The following FMNL3 variants were observed in gnomAD, a reference collection of about 807,000 sequenced individuals.
FMNL3 encodes formin like 3.
Under a neutral mutation model 119.6 loss-of-function variants are expected in FMNL3, and 57 were observed. That is an observed-to-expected ratio of 0.48 (90% CI 0.39 to 0.59). FMNL3 has a LOEUF of 0.59. FMNL3 is among the 20% of genes least tolerant of loss of function. The pLI is 0.00. For missense variants in FMNL3, 1,053 were observed against 1,323.5 expected (o/e 0.80, Z 3.17); for synonymous variants, 491 against 507.3 (o/e 0.97, Z 0.43).
rs187426983 is a variant in FMNL3 at position 49,656,684 on chromosome 12, C to T, written c.791+139G>A. ...GACCAGAGGAGAGCCAGGGACACTT[C>T]TCTTCCAGCAGAGGAGGGGGCCAAA... On this transcript the variant is annotated intron_variant, in intron 8 of 25. Transcript: ENST00000335154. 160 of 952,338 alleles carry T rather than the reference C, an allele frequency of 1.7e-4. 2 individuals carry two copies. Among genetic ancestry groups the T allele is most frequent in the African/African-American group, 1.3e-3 (82 of 61,308 alleles). 59.0% of individuals were successfully genotyped at this position (952,338 alleles called of 1,614,324 possible).
In FMNL3 at chr12:49,647,505, C is replaced by A; in HGVS notation, c.2779-137G>T. The A allele has an allele frequency of 9.6e-7, 1 of 1,039,570 alleles. No individual in the cohort carries two copies. Among genetic ancestry groups the A allele is most frequent in the Non-Finnish European group, 1.5e-6 (1 of 689,118 alleles). The allele number at this position is 1,039,570 out of a possible 1,614,324, so 64.4% of individuals were successfully genotyped here. A position where few individuals can be genotyped will look rare whatever the true frequency, so the allele number is the denominator to read the frequency against. ...CCACCCTCTGGAGGGGCACTTCCTG[C>A]CCCAAACAATGACAGGAAGGTCCTG... On this transcript the variant is annotated intron_variant, in intron 23 of 25. Transcript: ENST00000335154. This position sits in a 1 kb window ranked among gnomAD's most constrained non-coding sequence, Gnocchi z 4.9.
chr12:49,665,612 G>A (rs905569038), intron 4 of FMNL3, among the ~76,000 whole-genome samples: 2 of 152,190 alleles, frequency 1.3e-5, no homozygotes, highest in Non-Finnish European at 2.9e-5. Context: ...CCTCAAGCTT[G>A]CCAGAAACAT....
intron 2 of FMNL3, 23 bp from the exon 3 acceptor site, chr12:49,666,230 C>T (rs1457012351): frequency 8.1e-6 from 13 of 1,601,990 alleles, no homozygotes; most frequent in East Asian, 4.5e-5. Flanking sequence ...CATGCATATG[C>T]GTATCCACAA....
rs1943343356 is a variant in FMNL3, at chr12:49,649,973, T to C, written c.2001-48A>G. The C allele has an allele frequency of 3.3e-6, 5 of 1,514,256 alleles. No homozygotes were observed. The highest frequency in any genetic ancestry group is 4.5e-6 in the Non-Finnish European group (5 of 1,107,188). The allele number at this position is 1,514,256 out of a possible 1,614,324, so 93.8% of individuals were successfully genotyped here. A position where few individuals can be genotyped will look rare whatever the true frequency, so the allele number is the denominator to read the frequency against. On this transcript the variant is annotated intron_variant, in intron 17 of 25. Coordinates refer to ENST00000335154, the MANE Select transcript of FMNL3 (RefSeq NM_175736.5). The surrounding 1 kb of genome is among the most constrained non-coding windows in gnomAD (Gnocchi z 5.6). ...CTCAGTTCTCACATCTCTCCACGTT[T>C]TCCCTCATCCCTTTTATTCTCCAAG...
chr12:49,645,854 T>A lies in FMNL3; in HGVS notation c.3045A>T (p.Ala1015=). ...MVVRHQARSA[A]PPSGPPRAPG... ...GAGCCCGAGGGGGACCACTGGGCGG[T>A]GCAGCACTCCTGGCTTGGTGGCGAA... The change falls in exon 26 of 26, where the codon GCA becomes GCT. Residue 1015 remains alanine (A), a synonymous_variant. Transcript: ENST00000335154. 6.2e-7 allele frequency: 1 copy of A among 1,609,268 alleles called. No individual in the cohort carries two copies. Among genetic ancestry groups the A allele is most frequent in the Non-Finnish European group, 8.5e-7 (1 of 1,178,292 alleles).
chr12:49,671,070 G>A (rs1438335295), intron 1 of FMNL3, among the ~76,000 whole-genome samples: 2 of 152,224 alleles, frequency 1.3e-5, no homozygotes, highest in Non-Finnish European at 2.9e-5. Context: ...TGGAGGAGGG[G>A]GCAGCCTGTC....
chr12:49,667,241 G>A lies in FMNL3; in HGVS notation c.211-1034C>T, dbSNP rs966241184. Among the ~76,000 whole-genome samples, 4 of 152,092 alleles carry A rather than the reference G, an allele frequency of 2.6e-5. No homozygotes were observed. In the East Asian group the frequency reaches 5.8e-4, roughly 22 times the overall value. On this transcript the variant is annotated intron_variant, in intron 2 of 25. Transcript: ENST00000335154. ...AAAATGTCCAGGAGAATGATATAAT[G>A]TTAGAGAGTAGGACCTAAAAACAAA...
At chr12:49,677,278 AAT>A (rs1321826249) in intron 1 of FMNL3, among the ~76,000 whole-genome samples, 1 of 152,198 alleles carries the variant, frequency 6.6e-6, no homozygotes, top group Non-Finnish European at 1.5e-5. Context: ...TTGGACAATC[AAT>A]ATATATGTTT....
chr12:49,671,426 T>C (rs1944043461), intron 1 of FMNL3, among the ~76,000 whole-genome samples: 1 of 152,252 alleles, frequency 6.6e-6, no homozygotes. Context: ...TCTCTGCTTC[T>C]TCTGGGCTGA....
chr12:49,676,038 G>A (rs1308913099), intron 1 of FMNL3, among the ~76,000 whole-genome samples: 1 of 152,078 alleles, frequency 6.6e-6, no homozygotes, highest in East Asian at 1.9e-4. Flanking sequence ...CCTACTACCT[G>A]ACTTAAAATC....
chr12:49,655,100 A>G, intron 9 of FMNL3, 116 bp from the exon 10 acceptor site: 1 of 885,782 alleles, frequency 1.1e-6, no homozygotes, highest in Non-Finnish European at 1.8e-6. Flanking sequence ...GCTTAACCAC[A>G]GCTCTATATA....
chr12:49,692,857 TGA>T (rs1944642674), intron 1 of FMNL3, among the ~76,000 whole-genome samples: 1 of 152,200 alleles, frequency 6.6e-6, no homozygotes, highest in Non-Finnish European at 1.5e-5. Context: ...GGGGAAGATC[TGA>T]GAGGTGGCAT....
In FMNL3 at chr12:49,649,864, C is replaced by T; in HGVS notation, c.2062G>A (p.Glu688Lys). ...VECLMRFLPT[E>K]AEVKLLRQYE... ...TGCCGCAGCAGCTTTACCTCAGCCT[C>T]TGTGGGCAGGAAGCGCATCAGGCAC... is the stretch of plus-strand genomic sequence containing the variant. The change falls in exon 18 of 26, where the codon GAG becomes AAG. Residue 688 changes from glutamate to lysine, a missense_variant. By Grantham distance (56) the Glu-to-Lys change is moderately conservative. Coordinates refer to ENST00000335154, the MANE Select transcript of FMNL3 (RefSeq NM_175736.5). The surrounding 1 kb of genome is among the most constrained non-coding windows in gnomAD (Gnocchi z 5.6). 1 of 1,614,152 alleles carries T rather than the reference C, an allele frequency of 6.2e-7. No individual in the cohort carries two copies.
chr12:49,673,313 T>C (rs897870839), intron 1 of FMNL3, among the ~76,000 whole-genome samples: 5 of 152,216 alleles, frequency 3.3e-5, no homozygotes, highest in African/African-American at 1.2e-4. Flanking sequence ...TGAGCAAAGA[T>C]GGAAAGTGGC....
intron 5 of FMNL3, chr12:49,659,805 G>C: frequency 4.1e-6 from 4 of 985,314 alleles, no homozygotes; most frequent in Non-Finnish European, 4.8e-6. Context: ...CTCACTTCAG[G>C]ATATACCCCT....
At chr12:49,670,425 T>C (rs1438256584) in intron 1 of FMNL3, among the ~76,000 whole-genome samples, 1 of 152,144 alleles carries the variant, frequency 6.6e-6, no homozygotes, top group African/African-American at 2.4e-5. Context: ...ATGCATCTAG[T>C]GGGGGCAGTA....
intron 1 of FMNL3, among the ~76,000 whole-genome samples, chr12:49,690,304 G>A (rs749359860): frequency 2.0e-5 from 3 of 152,090 alleles, no homozygotes; most frequent in South Asian, 2.1e-4. Context: ...CACCTATGAC[G>A]TATTAACTTA....
At chr12:49,684,123 C>A (rs1944401477) in intron 1 of FMNL3, among the ~76,000 whole-genome samples, 1 of 152,186 alleles carries the variant, frequency 6.6e-6, no homozygotes, top group Non-Finnish European at 1.5e-5. Context: ...CTCCTGGGGG[C>A]AGGATGACTG....
chr12:49,668,806 C>T (rs1037470457), intron 1 of FMNL3, among the ~76,000 whole-genome samples: 4 of 152,096 alleles, frequency 2.6e-5, no homozygotes, highest in East Asian at 1.9e-4. Context: ...TAAATGAAAA[C>T]GAGCTGATTA....
Sources: gnomAD v4.1 joint callset for allele counts (sites outside exome capture counted in the v4.1 genomes callset) on GRCh38, gnomAD v4.1.1 for gene constraint, Gnocchi (gnomAD v3.1) non-coding constraint, MANE v1.5 for transcripts, NCBI Gene and HGNC (gene_info 2026-07-23, HGNC 2026-07-21) for gene names.